The following PLPPR5 variants were observed in gnomAD, a reference collection of about 807,000 sequenced individuals.
PLPPR5 encodes phospholipid phosphatase-related protein type 5.
PLPPR5 carries 16 observed loss-of-function variants against 33.9 expected under a neutral mutation model. The observed-to-expected ratio is 0.47, with a 90% CI of 0.32 to 0.72. PLPPR5 has a LOEUF of 0.72. Among genes scored for constraint, PLPPR5 ranks in the 30% least tolerant of loss-of-function variants. PLPPR5 has a pLI of 0.03. For synonymous variants in PLPPR5, 163 were observed against 150.3 expected, an observed-to-expected ratio of 1.08 and a Z score of -0.62; for missense variants, 301 against 406.7, an observed-to-expected ratio of 0.74 and a Z score of 2.23.
intron 1 of PLPPR5, among the ~76,000 whole-genome samples, chr1:98,981,144 C>A (rs1239477741): frequency 6.6e-6 from 1 of 151,958 alleles, no homozygotes; most frequent in Non-Finnish European, 1.5e-5. Flanking sequence ...AAATTGGTCA[C>A]AGAAATAGAA....
chr1:98,924,252 G>A (rs1649671430), intron 3 of PLPPR5, among the ~76,000 whole-genome samples: 1 of 152,050 alleles, frequency 6.6e-6, no homozygotes, highest in Non-Finnish European at 1.5e-5. Flanking sequence ...CCATTTTATA[G>A]GTTAAAAACT....
chr1:98,973,261 C>A (rs942744168), intron 1 of PLPPR5, among the ~76,000 whole-genome samples: 2 of 151,982 alleles, frequency 1.3e-5, no homozygotes, highest in Non-Finnish European at 2.9e-5. Context: ...TTAAAATATA[C>A]AAATAACTAT....
chr1:98,967,785 A>G (rs934608622), intron 1 of PLPPR5, among the ~76,000 whole-genome samples: 1 of 152,166 alleles, frequency 6.6e-6, no homozygotes, highest in African/African-American at 2.4e-5. Context: ...AGTAAGCACT[A>G]CGTAAATTTT....
At chr1:98,923,000 A>AG (rs1649626810) in intron 3 of PLPPR5, among the ~76,000 whole-genome samples, 1 of 44,816 alleles carries the variant, frequency 2.2e-5, no homozygotes, top group Non-Finnish European at 6.5e-5. Context: ...CAACAACAAC[A>AG]ACAAAAAAAA....
chr1:98,997,680 A>G (rs1238568543), intron 1 of PLPPR5, among the ~76,000 whole-genome samples: 1 of 152,180 alleles, frequency 6.6e-6, no homozygotes, highest in Non-Finnish European at 1.5e-5. Flanking sequence ...AATCTTACTC[A>G]TTTTTCCACA....
intron 1 of PLPPR5, among the ~76,000 whole-genome samples, chr1:98,994,765 G>A (rs1652572645): frequency 6.6e-6 from 1 of 152,080 alleles, no homozygotes; most frequent in African/African-American, 2.4e-5. Flanking sequence ...GATTTAATTA[G>A]CATTGTGGAT....
At chr1:98,893,139 C>T (rs1648344806) in intron 5 of PLPPR5, 35 bp from the exon 6 acceptor site, 3 of 1,601,292 alleles carry the variant, frequency 1.9e-6, no homozygotes, top group East Asian at 4.5e-5. Flanking sequence ...AAGTGAGAGG[C>T]TTGGGAACAT....
chr1:98,928,547 T>TTATATATATATATATATATATATA (rs1649845626), intron 3 of PLPPR5, among the ~76,000 whole-genome samples: 1 of 47,484 alleles, frequency 2.1e-5, no homozygotes, highest in Non-Finnish European at 4.5e-5. Context: ...AAGTTTTAAA[T>TTATATATATATATATATATATATA]CATATATATA....
At chr1:98,945,708 T>C (rs912202543) in intron 3 of PLPPR5, among the ~76,000 whole-genome samples, 2 of 152,192 alleles carry the variant, frequency 1.3e-5, no homozygotes, top group East Asian at 1.9e-4. Context: ...GTAAAGTAAC[T>C]AGTACGATAG....
intron 3 of PLPPR5, among the ~76,000 whole-genome samples, chr1:98,923,005 A>C (rs72730324): frequency 0.15 from 22,951 of 151,866 alleles, 2,197 homozygotes; most frequent in Non-Finnish European, 0.22. Context: ...ACAACAACAA[A>C]AAAAAACCAT....
chr1:98,893,086 C>G lies in PLPPR5; in HGVS notation c.952G>C (p.Ala318Pro). The G allele has an allele frequency of 6.2e-7, 1 of 1,610,726 alleles. No homozygotes were observed. Among genetic ancestry groups the G allele is most frequent in the Non-Finnish European group, 8.5e-7 (1 of 1,178,138 alleles). The change falls in exon 6 of 6, where the codon GCA becomes CCA. Residue 318 changes from alanine (A) to proline (P), a missense_variant. Ala to Pro is a conservative substitution (Grantham distance 27, BLOSUM62 -1). Transcript: ENST00000263177. ...CTGCTTCGATATCATGTGACTTCTGCGAAGGCAGTGATGTGGTTCTGCAAA... is the reference window on the plus strand; with the variant it reads ...CTGCTTCGATATCATGTGACTTCTGGGAAGGCAGTGATGTGGTTCTGCAAA... The part of the protein sequence containing the change: ...TSVQNHITAF[A>P]EVT
At chr1:98,997,296 G>A (rs535714908) in intron 1 of PLPPR5, among the ~76,000 whole-genome samples, 1 of 152,034 alleles carries the variant, frequency 6.6e-6, no homozygotes, top group Non-Finnish European at 1.5e-5. Flanking sequence ...CTGAACTTCC[G>A]AAGGGCAGAG....
chr1:98,929,732 T>A (rs1049502433), intron 3 of PLPPR5, among the ~76,000 whole-genome samples: 1 of 151,996 alleles, frequency 6.6e-6, no homozygotes, highest in Non-Finnish European at 1.5e-5. Flanking sequence ...TGGAGACTAT[T>A]TATCTCCAGT....
intron 5 of PLPPR5, among the ~76,000 whole-genome samples, chr1:98,896,839 AT>A (rs796192208): frequency 4.1e-5 from 6 of 146,286 alleles, no homozygotes; most frequent in African/African-American, 7.4e-5. Context: ...ACAGTCTGTA[AT>A]TTAAAAAAAA....
rs80193328 is a variant in PLPPR5, at chr1:98,900,197, T to C, written c.934-7093A>G. Among the ~76,000 whole-genome samples, 620 of 152,268 alleles carry C rather than the reference T, an allele frequency of 4.1e-3. 7 individuals are homozygous for C. Among genetic ancestry groups the C allele is most frequent in the African/African-American group, 0.014 (584 of 41,550 alleles). On this transcript the variant is annotated intron_variant, in intron 5 of 5. Coordinates refer to ENST00000263177, the MANE Select transcript of PLPPR5 (RefSeq NM_001037317.2). ...CTTCTTTTTCACTCCTTCTGGACCC[T>C]ACAGTTGATCATAAGATCAATCTTT...
intron 3 of PLPPR5, among the ~76,000 whole-genome samples, chr1:98,934,485 C>T (rs1269584028): frequency 1.3e-5 from 2 of 152,170 alleles, no homozygotes; most frequent in African/African-American, 4.8e-5. Context: ...TTCCCACACT[C>T]ATTTATCCAG....
chr1:98,929,386 G>A (rs1649885549), intron 3 of PLPPR5, among the ~76,000 whole-genome samples: 1 of 152,292 alleles, frequency 6.6e-6, no homozygotes, highest in South Asian at 2.1e-4. Context: ...TGGGGATAAA[G>A]CTCCTTATTG....
At chr1:98,932,626 T>G (rs1650021071) in intron 3 of PLPPR5, among the ~76,000 whole-genome samples, 1 of 152,364 alleles carries the variant, frequency 6.6e-6, no homozygotes, top group African/African-American at 2.4e-5. Flanking sequence ...AAATGACCTC[T>G]AAGAAACTGT....
chr1:98,935,866 C>T (rs952580824), intron 3 of PLPPR5, among the ~76,000 whole-genome samples: 1 of 152,100 alleles, frequency 6.6e-6, no homozygotes, highest in Non-Finnish European at 1.5e-5. Context: ...AAATCAAAAT[C>T]CCACTCTCTT....
Sources: allele counts gnomAD v4.1 joint callset (sites outside exome capture counted in the v4.1 genomes callset), GRCh38; gene constraint gnomAD v4.1.1; transcripts MANE v1.5; gene names NCBI Gene and HGNC (gene_info 2026-07-23, HGNC 2026-07-21).